Variants in NRXN3 observed in about 807,000 individuals in gnomAD.
NRXN3 encodes neurexin III.
Under a neutral mutation model 137.6 loss-of-function variants are expected in NRXN3, and 32 were observed. That is an observed-to-expected ratio of 0.23 (90% CI 0.18 to 0.31). NRXN3 has a LOEUF of 0.31. Ranked by LOEUF, NRXN3 falls within the 10% of genes least tolerant of loss-of-function variation. NRXN3 has a pLI of 1.00. For synonymous variants in NRXN3, 798 were observed against 784.5 expected (o/e 1.02, Z -0.29); for missense variants, 1,574 against 2,062.5 (o/e 0.76, Z 4.59).
At chr14:78,311,193 A>G (rs2077941180) in intron 4 of NRXN3, among the ~76,000 whole-genome samples, 1 of 152,194 alleles carries the variant, frequency 6.6e-6, no homozygotes, top group South Asian at 2.1e-4. Context: ...TGAGCACCAT[A>G]AAATCAGAGG....
chr14:78,937,023 C>G (rs1289991609), intron 10 of NRXN3, among the ~76,000 whole-genome samples: 1 of 151,850 alleles, frequency 6.6e-6, no homozygotes, highest in Non-Finnish European at 1.5e-5. Flanking sequence ...GAGTTGGAAA[C>G]TAGCCTGGCC....
chr14:78,510,676 T>G (rs557557124), intron 4 of NRXN3, among the ~76,000 whole-genome samples: 1 of 152,300 alleles, frequency 6.6e-6, no homozygotes, highest in African/African-American at 2.4e-5. Context: ...TAATTTGCTT[T>G]CTTTGTTTGA....
intron 4 of NRXN3, among the ~76,000 whole-genome samples, chr14:78,561,425 G>T (rs2096785126): frequency 1.3e-5 from 2 of 152,074 alleles, no homozygotes; most frequent in Non-Finnish European, 2.9e-5. Context: ...CATACACTCA[G>T]CACCATATAC....
intron 19 of NRXN3, among the ~76,000 whole-genome samples, chr14:79,779,208 G>A (rs2099106462): frequency 6.6e-6 from 1 of 152,126 alleles, no homozygotes; most frequent in African/African-American, 2.4e-5. Context: ...CTACCTCCTG[G>A]GTTCAAGTGA....
intron 15 of NRXN3, among the ~76,000 whole-genome samples, chr14:79,406,818 T>C (rs1280715338): frequency 1.3e-5 from 2 of 152,164 alleles, no homozygotes; most frequent in African/African-American, 4.8e-5. Context: ...AAGCTATGTA[T>C]GATTAAAGGA....
chr14:78,754,480 A>G (rs2098658492), intron 8 of NRXN3, among the ~76,000 whole-genome samples: 1 of 152,014 alleles, frequency 6.6e-6, no homozygotes, highest in African/African-American at 2.4e-5. Flanking sequence ...TTCTTCACAT[A>G]TTTTCTCAAA....
rs116846354 is a variant in NRXN3, at chr14:78,702,986, C to T, written c.1222-6231C>T. ...ACATAGGCTGAGACAAGTTAAATAT[C>T]GTGCCCAATGTAACACAGTTGGTAA... On this transcript the variant is annotated intron_variant, in intron 6 of 20. Transcript: ENST00000335750. Among the ~76,000 whole-genome samples the T allele has an allele frequency of 2.0e-3, 299 of 152,234 alleles. 3 individuals carry two copies. The East Asian group carries it at 0.049, about 25-fold the overall frequency.
chr14:79,370,523 G>A lies in NRXN3; in HGVS notation c.3263-96698G>A, dbSNP rs150277327. On this transcript the variant is annotated intron_variant, in intron 15 of 20. Transcript: ENST00000335750. The stretch of plus-strand genomic sequence containing the variant: ...AGTAGAGACAGGGTTTCTCCATGTC[G>A]GTCAGGCTGGTCTCGAACTCCTGAC... Among the ~76,000 whole-genome samples, 311 of 151,652 alleles carry A rather than the reference G, an allele frequency of 2.1e-3. 7 individuals carry two copies. In the East Asian group the frequency reaches 0.03, roughly 15 times the overall value.
Position 78,599,627 on chromosome 14 carries a change from A to G in NRXN3, c.758-45493A>G, listed in dbSNP as rs567954698. On this transcript the variant is annotated intron_variant, in intron 4 of 20. Transcript: ENST00000335750. ...CCAACCCCTGACACTGTTAAACTCC[A>G]TTTCAGTAGTCATTCACCCAGTCCT... is the stretch of plus-strand genomic sequence containing the variant. Among the ~76,000 whole-genome samples the G allele has an allele frequency of 4.6e-5, 7 of 152,226 alleles. No individual in the cohort carries two copies. The East Asian group carries it at 1.4e-3, about 29-fold the overall frequency.
intron 4 of NRXN3, among the ~76,000 whole-genome samples, chr14:78,335,010 G>GA (rs1260561257): frequency 6.6e-6 from 1 of 152,112 alleles, no homozygotes; most frequent in African/African-American, 2.4e-5. Flanking sequence ...GGGTACAGGG[G>GA]ATACCCCTCA....
chr14:78,849,680 C>T (rs1038231680), intron 10 of NRXN3, among the ~76,000 whole-genome samples: 1 of 152,084 alleles, frequency 6.6e-6, no homozygotes, highest in South Asian at 2.1e-4. Context: ...CAAGCTGTTT[C>T]TCTCTATCTC....
chr14:78,568,514 G>C (rs908956734), intron 4 of NRXN3, among the ~76,000 whole-genome samples: 4 of 152,152 alleles, frequency 2.6e-5, no homozygotes, highest in African/African-American at 9.7e-5. Flanking sequence ...TTTATAGCTG[G>C]AACTGGAGGT....
At chr14:78,684,507 A>G (rs1195514098) in intron 6 of NRXN3, among the ~76,000 whole-genome samples, 1 of 152,198 alleles carries the variant, frequency 6.6e-6, no homozygotes, top group Non-Finnish European at 1.5e-5. Flanking sequence ...GTTATGTGGT[A>G]AATAGAAAAT....
intron 16 of NRXN3, among the ~76,000 whole-genome samples, chr14:79,491,092 C>T (rs369667962): frequency 6.6e-6 from 1 of 151,976 alleles, no homozygotes; most frequent in Non-Finnish European, 1.5e-5. Flanking sequence ...GTGTTTTGTT[C>T]TGTTTTTTCT....
intron 19 of NRXN3, among the ~76,000 whole-genome samples, chr14:79,703,672 A>G (rs2098764335): frequency 6.6e-6 from 1 of 151,488 alleles, no homozygotes; most frequent in Non-Finnish European, 1.5e-5. Context: ...CTCCCTCTAC[A>G]TGTGCGGATT....
chr14:79,192,069 A>G (rs1230721125), intron 15 of NRXN3, among the ~76,000 whole-genome samples: 1 of 152,104 alleles, frequency 6.6e-6, no homozygotes, highest in East Asian at 1.9e-4. Flanking sequence ...TTGTATTTTT[A>G]GCAGAGATGG....
At chr14:78,550,641 A>G (rs772049146) in intron 4 of NRXN3, among the ~76,000 whole-genome samples, 1 of 152,102 alleles carries the variant, frequency 6.6e-6, no homozygotes, top group Non-Finnish European at 1.5e-5. Flanking sequence ...GTTCTACATA[A>G]GGGACTGGAA....
chr14:79,178,234 T>C (rs186034763), intron 15 of NRXN3, among the ~76,000 whole-genome samples: 12 of 152,362 alleles, frequency 7.9e-5, no homozygotes. Flanking sequence ...GAAACACTGC[T>C]CTGTTCCAAT....
intron 15 of NRXN3, among the ~76,000 whole-genome samples, chr14:79,144,668 T>C (rs1339076735): frequency 6.6e-6 from 1 of 152,202 alleles, no homozygotes; most frequent in African/African-American, 2.4e-5. Flanking sequence ...TCGCCTCTCA[T>C]GCCAATCTTG....
Sources: allele counts gnomAD v4.1 joint callset (sites outside exome capture counted in the v4.1 genomes callset), GRCh38; gene constraint gnomAD v4.1.1; transcripts MANE v1.5; gene names NCBI Gene and HGNC (gene_info 2026-07-23, HGNC 2026-07-21).